The following GLIS3 variants were observed in gnomAD, a reference collection of about 807,000 sequenced individuals.
GLIS3 encodes the protein zinc finger protein GLIS3.
A neutral mutation model predicts 78.6 loss-of-function variants in GLIS3; 53 were observed. The observed-to-expected ratio is 0.67, with a 90% CI of 0.54 to 0.85. GLIS3 has a LOEUF of 0.85. GLIS3 is among the 40% of genes least tolerant of loss of function. The probability of loss-of-function intolerance (pLI) is 0.00; values close to 1 mark genes in which losing one functional copy is unlikely to be tolerated. For missense variants in GLIS3, 1,703 were observed against 1,231.1 expected, an observed-to-expected ratio of 1.38 and a Z score of -5.74; for synonymous variants, 684 against 509.9, an observed-to-expected ratio of 1.34 and a Z score of -4.60.
At chr9:3,929,009 G>C (rs567086889) in intron 6 of GLIS3, among the ~76,000 whole-genome samples, 3 of 152,310 alleles carry the variant, frequency 2.0e-5, no homozygotes, top group South Asian at 4.1e-4. Context: ...TCATAGCCTT[G>C]AGGAAAATTT....
chr9:4,444,521 T>C, the GLIS3 span, among the ~76,000 whole-genome samples: 1 of 150,084 alleles, frequency 6.7e-6, no homozygotes, highest in Admixed American at 6.7e-5. Context: ...TGTAATTCTT[T>C]TGTATTCCAA....
intron 6 of GLIS3, among the ~76,000 whole-genome samples, chr9:3,910,560 A>T (rs1824066189): frequency 6.6e-6 from 1 of 152,204 alleles, no homozygotes; most frequent in Non-Finnish European, 1.5e-5. Context: ...CATGTTGCTC[A>T]GGCTAGTCTC....
intron 4 of GLIS3, among the ~76,000 whole-genome samples, chr9:4,056,898 CTT>C (rs34752011): frequency 0.015 from 1,457 of 98,024 alleles, 16 homozygotes; most frequent in African/African-American, 0.044. Flanking sequence ...CTTCAAGACA[CTT>C]TTTTTTTTTT....
chr9:4,253,501 T>C (rs1200545727), intron 2 of GLIS3, among the ~76,000 whole-genome samples: 2 of 152,258 alleles, frequency 1.3e-5, no homozygotes, highest in East Asian at 1.9e-4. Flanking sequence ...ACTGCTGTGC[T>C]GACAGTGACA....
At chr9:4,139,367 A>T (rs993873194) in intron 2 of GLIS3, among the ~76,000 whole-genome samples, 1 of 152,244 alleles carries the variant, frequency 6.6e-6, no homozygotes, top group Non-Finnish European at 1.5e-5. Context: ...AGAACAATTC[A>T]TAAGTCAAGT....
At chr9:4,248,794 G>C (rs766676410) in intron 2 of GLIS3, among the ~76,000 whole-genome samples, 76 of 152,326 alleles carry the variant, frequency 5.0e-4, no homozygotes, top group Non-Finnish European at 9.6e-4. Flanking sequence ...ACTGGCATGA[G>C]ATGGTATCTC....
chr9:4,297,083 T>C (rs1158797743), intron 1 of GLIS3, among the ~76,000 whole-genome samples: 2 of 148,674 alleles, frequency 1.3e-5, no homozygotes, highest in Non-Finnish European at 3.0e-5. Context: ...AGAGAAGAAG[T>C]AGGAAGGTTT....
chr9:4,023,740 T>A (rs1206221738), intron 4 of GLIS3, among the ~76,000 whole-genome samples: 1 of 152,194 alleles, frequency 6.6e-6, no homozygotes, highest in Non-Finnish European at 1.5e-5. Context: ...AGCTCTAGGT[T>A]TGCTCCCATC....
chr9:4,389,423 A>T, the GLIS3 span, among the ~76,000 whole-genome samples: 1 of 152,118 alleles, frequency 6.6e-6, no homozygotes. Context: ...AAGGGGATTC[A>T]TTTTGCCTGG....
At chr9:4,372,158 A>G in the GLIS3 span, among the ~76,000 whole-genome samples, 1 of 152,202 alleles carries the variant, frequency 6.6e-6, no homozygotes. Context: ...ATTAGTCTAG[A>G]AAGAATTCCA....
In GLIS3 at chr9:4,118,221, G is replaced by T. The variant is rs773979658; in HGVS notation, c.1257C>A (p.Gly419=). The T allele has an allele frequency of 6.3e-5, 100 of 1,584,540 alleles. No homozygotes were observed. Among genetic ancestry groups the T allele is most frequent in the Non-Finnish European group, 8.2e-5 (96 of 1,165,826 alleles). Residue 419 remains glycine (G), a synonymous_variant, in exon 4 of 11, where the codon GGC becomes GGA. Coordinates refer to ENST00000381971, the MANE Select transcript of GLIS3 (RefSeq NM_001042413.2). This position sits in a 1 kb window ranked among gnomAD's most constrained non-coding sequence, Gnocchi z 4.7. The part of the protein sequence containing the change: ...NHMVVQHGLP[G]PDSQSAGLFK... ...ACAGGCCGGCCGACTGGCTGTCGGGGCCCGGCAGGCCATGCTGCACCACCA... is the reference window on the plus strand; with the variant it reads ...ACAGGCCGGCCGACTGGCTGTCGGGTCCCGGCAGGCCATGCTGCACCACCA...
chr9:3,964,537 G>C (rs1264395012), intron 4 of GLIS3, among the ~76,000 whole-genome samples: 1 of 152,168 alleles, frequency 6.6e-6, no homozygotes, highest in Non-Finnish European at 1.5e-5. Flanking sequence ...AATTAAATCT[G>C]ATGTTCTGAA....
chr9:4,468,852 AAG>A, the GLIS3 span, among the ~76,000 whole-genome samples: 4 of 152,202 alleles, frequency 2.6e-5, no homozygotes, highest in African/African-American at 7.2e-5. Flanking sequence ...AAATTGGATA[AAG>A]AGTCAAGACC....
intron 2 of GLIS3, among the ~76,000 whole-genome samples, chr9:4,276,656 A>G (rs530302763): frequency 6.6e-6 from 1 of 152,242 alleles, no homozygotes; most frequent in South Asian, 2.1e-4. Flanking sequence ...GAAGGGTACT[A>G]ATGGAATAGA....
At chr9:3,925,627 G>A (rs558745154) in intron 6 of GLIS3, among the ~76,000 whole-genome samples, 44 of 152,196 alleles carry the variant, frequency 2.9e-4, no homozygotes, top group African/African-American at 1.0e-3. Flanking sequence ...GTGTGCGCGC[G>A]ATCACTGTGA....
chr9:3,898,785 G>C lies in GLIS3; in HGVS notation c.2034C>G (p.Thr678=). Residue 678 remains threonine (T), a synonymous_variant, in exon 7 of 11, where the codon ACC becomes ACG. Transcript: ENST00000381971. ...AAGTGGCCGGCTGCAGGGACTGCAC[G>C]GTGAGGCAATCTGTGAGCAGGTCTG... ...LHPDLLTDCL[T]VQSLQPATSP... is the part of the protein sequence containing the mutation. 2 of 1,614,170 alleles carry C rather than the reference G, an allele frequency of 1.2e-6. No individual in the cohort carries two copies. The highest frequency in any genetic ancestry group is 8.5e-7 in the Non-Finnish European group (1 of 1,180,028).
At chr9:4,330,457 G>A (rs1355771718) in intron 2 of GLIS3, among the ~76,000 whole-genome samples, 1 of 152,216 alleles carries the variant, frequency 6.6e-6, no homozygotes, top group Non-Finnish European at 1.5e-5. Flanking sequence ...GGCTTTGATA[G>A]TTAATTAAAA....
At chr9:4,372,762 A>G in the GLIS3 span, among the ~76,000 whole-genome samples, 53,862 of 151,982 alleles carry the variant, frequency 0.35, 9,930 homozygotes, top group Middle Eastern at 0.44. Context: ...AAGATGCTAT[A>G]AAGTTATGAT....
intron 4 of GLIS3, among the ~76,000 whole-genome samples, chr9:4,086,311 G>A (rs913817705): frequency 3.9e-5 from 6 of 152,094 alleles, no homozygotes; most frequent in Admixed American, 1.3e-4. Context: ...CCACCCTGGG[G>A]CAATGAGTCA....
Sources: allele counts gnomAD v4.1 joint callset (sites outside exome capture counted in the v4.1 genomes callset), GRCh38; gene constraint gnomAD v4.1.1; non-coding constraint Gnocchi (gnomAD v3.1); transcripts MANE v1.5; gene names NCBI Gene and HGNC (gene_info 2026-07-23, HGNC 2026-07-21).